The following CACNA1C variants were observed in gnomAD, a reference collection of about 807,000 sequenced individuals.
CACNA1C encodes the protein voltage-dependent L-type calcium channel subunit alpha-1C.
Under a neutral mutation model 229.0 loss-of-function variants are expected in CACNA1C, and 30 were observed. The observed-to-expected ratio is 0.13, with a 90% CI of 0.10 to 0.18. The LOEUF is 0.18. Ranked by LOEUF, CACNA1C falls within the 10% of genes least tolerant of loss-of-function variation. The probability of loss-of-function intolerance (pLI) is 1.00; values close to 1 mark genes in which losing one functional copy is unlikely to be tolerated. For synonymous variants in CACNA1C, 1,114 were observed against 1,132.5 expected (o/e 0.98, Z 0.33); for missense variants, 1,658 against 2,845.0 (o/e 0.58, Z 9.49).
At chr12:2,652,501 C>T (rs1000643885) in intron 32 of CACNA1C, among the ~76,000 whole-genome samples, 3 of 152,244 alleles carry the variant, frequency 2.0e-5, no homozygotes, top group African/African-American at 4.8e-5. Flanking sequence ...GCTGGCGGAA[C>T]GCAGGCTTCT....
intron 3 of CACNA1C, among the ~76,000 whole-genome samples, chr12:2,380,389 T>C (rs1174867354): frequency 1.3e-5 from 2 of 152,188 alleles, no homozygotes; most frequent in African/African-American, 2.4e-5. Flanking sequence ...AAGCAGTACC[T>C]GGACAATGGT....
intron 3 of CACNA1C, among the ~76,000 whole-genome samples, chr12:2,359,332 TCAGCCCATAGACTCACCTTC>T (rs1459049854): frequency 2.0e-5 from 3 of 152,154 alleles, no homozygotes; most frequent in Non-Finnish European, 4.4e-5. Flanking sequence ...GGGTGGACCT[TCAGCCCATAGACTCACCTTC>T]CTGCCTATGT....
At position 2,691,927 on chromosome 12, in the gene CACNA1C, T is replaced by G. The variant is rs2097793861; in HGVS notation, c.*728T>G. On this transcript the variant is annotated 3_prime_UTR_variant, in exon 47 of 47. Coordinates refer to ENST00000399655, the MANE Select transcript of CACNA1C (RefSeq NM_000719.7). The stretch of plus-strand genomic sequence containing the variant: ...TTGTTTTGTGGTTTGACACTTTTCT[T>G]GACAGCATGTTGCAGTTTCTTTTCG... 1 of 152,248 alleles carries G rather than the reference T, an allele frequency of 6.6e-6. No homozygotes were observed. Among genetic ancestry groups the G allele is most frequent in the Non-Finnish European group, 1.5e-5 (1 of 68,038 alleles). 9.4% of individuals were successfully genotyped at this position (152,248 alleles called of 1,614,324 possible). A position where few individuals can be genotyped will look rare whatever the true frequency, so the allele number is the denominator to read the frequency against.
intron 3 of CACNA1C, among the ~76,000 whole-genome samples, chr12:2,413,704 G>A (rs1174806895): frequency 2.0e-5 from 3 of 152,102 alleles, no homozygotes; most frequent in African/African-American, 7.2e-5. Flanking sequence ...TGAGACACAC[G>A]GGTCCCCAAA....
chr12:2,313,043 T>C lies in CACNA1C; in HGVS notation c.478-135933T>C, dbSNP rs373354198. ...TAGAATTCTATATAGCAGAACTTGATTGAAATGCTGTACAGAATTGGCCTG... is the reference window on the plus strand; with the variant it reads ...TAGAATTCTATATAGCAGAACTTGACTGAAATGCTGTACAGAATTGGCCTG... On this transcript the variant is annotated intron_variant, in intron 3 of 46. Transcript: ENST00000399655. Among the ~76,000 whole-genome samples, 282 of 152,276 alleles carry C rather than the reference T, an allele frequency of 1.9e-3. 1 individual carries two copies. The highest frequency in any genetic ancestry group is 6.6e-3 in the African/African-American group (274 of 41,542).
intron 3 of CACNA1C, among the ~76,000 whole-genome samples, chr12:2,320,456 T>A (rs1254790562): frequency 2.6e-5 from 4 of 152,250 alleles, no homozygotes; most frequent in South Asian, 2.1e-4. Flanking sequence ...CTGAGAAATA[T>A]ACACAAGTCA....
intron 3 of CACNA1C, among the ~76,000 whole-genome samples, chr12:2,308,141 G>T (rs1026454960): frequency 2.6e-5 from 4 of 152,166 alleles, no homozygotes; most frequent in Non-Finnish European, 5.9e-5. Context: ...AGGATATGAG[G>T]CTAGAAATTC....
intron 3 of CACNA1C, among the ~76,000 whole-genome samples, chr12:2,393,519 C>G (rs2154549219): frequency 6.6e-6 from 1 of 152,292 alleles, no homozygotes; most frequent in South Asian, 2.1e-4. Flanking sequence ...GAAAGCTTAC[C>G]CCCACTCCTT....
intron 3 of CACNA1C, among the ~76,000 whole-genome samples, chr12:2,121,801 C>T (rs779235238): frequency 1.6e-4 from 24 of 152,374 alleles, no homozygotes; most frequent in Non-Finnish European, 2.9e-4. Context: ...CCTTCCTCTG[C>T]CATGGTCCTC....
chr12:2,671,491 C>G (rs550974611), intron 38 of CACNA1C, among the ~76,000 whole-genome samples: 39 of 152,066 alleles, frequency 2.6e-4, no homozygotes, highest in South Asian at 4.2e-4. Flanking sequence ...CCCCTATGTT[C>G]AGAGGGAAGG....
rs943054451 is a variant in CACNA1C, at chr12:2,354,902, T to G, written c.478-94074T>G. Among the ~76,000 whole-genome samples the G allele has an allele frequency of 1.3e-5, 2 of 152,068 alleles. No homozygotes were observed. Among genetic ancestry groups the G allele is most frequent in the Non-Finnish European group, 2.9e-5 (2 of 68,004 alleles). ...TTAGATTCCATTTTGGTGAGGAAAT[T>G]TACATTACCCAGGTGTGCACTTGGG... is the stretch of plus-strand genomic sequence containing the variant. On this transcript the variant is annotated intron_variant, in intron 3 of 46. Coordinates refer to ENST00000399655, the MANE Select transcript of CACNA1C (RefSeq NM_000719.7). This position sits in a 1 kb window ranked among gnomAD's most constrained non-coding sequence, Gnocchi z 4.6.
chr12:2,481,785 G>A (rs975984020), intron 5 of CACNA1C, among the ~76,000 whole-genome samples: 3 of 152,254 alleles, frequency 2.0e-5, no homozygotes, highest in African/African-American at 7.2e-5. Context: ...TTACCCTGAT[G>A]TAGGGCTAGA....
At chr12:2,572,776 TTCTCC>T (rs1474402231) in intron 13 of CACNA1C, among the ~76,000 whole-genome samples, 31 of 124,848 alleles carry the variant, frequency 2.5e-4, no homozygotes, top group Non-Finnish European at 4.4e-4. Flanking sequence ...CTGTTCCTCC[TTCTCC>T]TCTCCTCCTC....
Position 2,093,255 on chromosome 12 carries a change from G to A in CACNA1C, c.50-21969G>A, listed in dbSNP as rs1005715270. On this transcript the variant is annotated intron_variant, in intron 1 of 46. Transcript: ENST00000399655. ...CCTCTCCTTCCCAGGGAGGCTAGTGGCTTCTTGTGGCAGGGTAGTATCTTA... is the reference window on the plus strand; with the variant it reads ...CCTCTCCTTCCCAGGGAGGCTAGTGACTTCTTGTGGCAGGGTAGTATCTTA... 3.9e-5 allele frequency among the ~76,000 whole-genome samples: 6 copies of A among 152,336 alleles called. 1 individual carries two copies. Among genetic ancestry groups the A allele is most frequent in the Admixed American group, 6.5e-5 (1 of 15,306 alleles).
intron 3 of CACNA1C, among the ~76,000 whole-genome samples, chr12:2,284,259 G>A (rs1040492205): frequency 1.3e-4 from 19 of 151,760 alleles, no homozygotes; most frequent in Non-Finnish European, 2.2e-4. Context: ...TTTTACCCAC[G>A]GAAAAAGCTG....
intron 37 of CACNA1C, among the ~76,000 whole-genome samples, chr12:2,667,188 G>C (rs1392317398): frequency 2.3e-5 from 3 of 130,832 alleles, no homozygotes; most frequent in African/African-American, 1.1e-4. Context: ...TTACCAGGGA[G>C]AGGATTTCTC....
chr12:2,173,218 G>T (rs899116004), intron 3 of CACNA1C, among the ~76,000 whole-genome samples: 1 of 152,206 alleles, frequency 6.6e-6, no homozygotes, highest in Non-Finnish European at 1.5e-5. Flanking sequence ...GAGGGGAGAA[G>T]TTAGGAAAGG....
intron 3 of CACNA1C, among the ~76,000 whole-genome samples, chr12:2,219,195 G>T (rs1435634368): frequency 6.6e-6 from 1 of 152,194 alleles, no homozygotes; most frequent in Non-Finnish European, 1.5e-5. Flanking sequence ...GTGGAGCTCT[G>T]CCCTGGTGCA....
chr12:2,685,836 T>A lies in CACNA1C; in HGVS notation c.5674T>A (p.Ser1892Thr). 1 of 1,609,384 alleles carries A rather than the reference T, an allele frequency of 6.2e-7. No individual in the cohort carries two copies. The highest frequency in any genetic ancestry group is 8.5e-7 in the Non-Finnish European group (1 of 1,175,674). Reference sequence around the variant, plus strand: ...GAAGAGGGGTTTCCTCCGCTCTGCCTCACTAGGTAAATGCACCGCTCGCTC... The same window carrying A: ...GAAGAGGGGTTTCCTCCGCTCTGCCACACTAGGTAAATGCACCGCTCGCTC... The part of the protein sequence containing the change: ...SPKRGFLRSA[S>T]LGRRASFHLE... Residue 1892 changes from serine (S) to threonine (T), a missense_variant, in exon 44 of 47, where the codon TCA (serine) becomes ACA (threonine). By Grantham distance (58) the Ser-to-Thr change is moderately conservative (BLOSUM62 1). Around this residue, in one of 20 missense-constraint regions of CACNA1C, gnomAD observed 590 missense variants for 700.8 expected, o/e 0.84. Transcript: ENST00000399655.
Sources: gnomAD v4.1 joint callset for allele counts (sites outside exome capture counted in the v4.1 genomes callset) on GRCh38, gnomAD v4.1.1 for gene constraint, gnomAD v4.1.1 regional missense constraint, Gnocchi (gnomAD v3.1) non-coding constraint, MANE v1.5 for transcripts, NCBI Gene and HGNC (gene_info 2026-07-23, HGNC 2026-07-21) for gene names.